SLC5A4: variants seen among roughly 807,000 people sequenced by gnomAD.
The protein encoded by SLC5A4 is probable glucose sensor protein SLC5A4.
Under a neutral mutation model 70.3 loss-of-function variants are expected in SLC5A4, and 55 were observed. The ratio of observed to expected loss-of-function variants is 0.78; its 90% CI spans 0.63 to 0.98. The LOEUF (loss-of-function observed/expected upper bound fraction) is 0.98. Ranked by LOEUF, SLC5A4 falls within the 50% of genes least tolerant of loss-of-function variation. The probability of loss-of-function intolerance (pLI) is 0.00; values close to 1 mark genes in which losing one functional copy is unlikely to be tolerated. For synonymous variants in SLC5A4, 268 were observed against 305.7 expected (o/e 0.88, Z 1.29); for missense variants, 735 against 839.2 (o/e 0.88, Z 1.53).
Position 32,239,185 on chromosome 22 carries a change from T to C in SLC5A4, c.478-95A>G, listed in dbSNP as rs1018295952. 252 of 850,366 alleles carry C rather than the reference T, an allele frequency of 3.0e-4. 3 individuals are homozygous for C. The highest frequency in any genetic ancestry group is 2.9e-3 in the South Asian group (196 of 66,744). 52.7% of individuals were successfully genotyped at this position (850,366 alleles called of 1,614,324 possible). A position where few individuals can be genotyped will look rare whatever the true frequency, so the allele number is the denominator to read the frequency against. On this transcript the variant is annotated intron_variant, in intron 5 of 14. Transcript: ENST00000266086. ...CCACTCTACTCAACCCTTCTTTTTCTGATAGACTCCTACTTACCCTTCAAG... is the reference window on the plus strand; with the variant it reads ...CCACTCTACTCAACCCTTCTTTTTCCGATAGACTCCTACTTACCCTTCAAG...
At chr22:32,222,105 C>T (rs1162799657) in intron 13 of SLC5A4, among the ~76,000 whole-genome samples, 2 of 152,164 alleles carry the variant, frequency 1.3e-5, no homozygotes, top group African/African-American at 4.8e-5. Context: ...TAAGTTATAC[C>T]TCATTTTAAT....
the SLC5A4 span, among the ~76,000 whole-genome samples, chr22:32,303,798 A>G: frequency 1.7e-4 from 26 of 152,118 alleles, no homozygotes; most frequent in African/African-American, 5.3e-4. Context: ...TAAGTTGTCA[A>G]CTCCTTTGGG....
the SLC5A4 span, among the ~76,000 whole-genome samples, chr22:32,349,936 A>C: frequency 1.3e-5 from 2 of 152,180 alleles, no homozygotes; most frequent in Non-Finnish European, 2.9e-5. Flanking sequence ...ACACCTTCTT[A>C]TCCGCAACTT....
the SLC5A4 span, chr22:32,327,364 G>C: frequency 6.6e-6 from 1 of 152,312 alleles, no homozygotes; most frequent in African/African-American, 2.4e-5. Flanking sequence ...TTCCTGGCCA[G>C]AGTGCTCTGC....
chr22:32,264,471 A>G, the SLC5A4 span, among the ~76,000 whole-genome samples: 3 of 152,050 alleles, frequency 2.0e-5, no homozygotes, highest in African/African-American at 7.2e-5. Flanking sequence ...GCTTCTTGGG[A>G]GGCTCAGGTG....
chr22:32,289,137 C>G, the SLC5A4 span, among the ~76,000 whole-genome samples: 17,676 of 151,970 alleles, frequency 0.12, 1,422 homozygotes, highest in East Asian at 0.33. Context: ...AAAGAAAGTT[C>G]CCTTGGACTC....
At position 32,224,470 on chromosome 22, in the gene SLC5A4, C is replaced by A. The variant is rs1329206367; in HGVS notation, c.1462G>T (p.Gly488Cys). Residue 488 changes from glycine to cysteine, a missense_variant, in exon 13 of 15, where the codon GGT becomes TGT. Gly to Cys is a radical substitution (Grantham distance 159). Coordinates refer to ENST00000266086, the MANE Select transcript of SLC5A4 (RefSeq NM_014227.3). Reference sequence around the variant, plus strand: ...CCCATTGCAAGTCCAACCATTAGACCCCAGAATGCTCCCTGCAAAAGAAGC... The same window carrying A: ...CCCATTGCAAGTCCAACCATTAGACACCAGAATGCTCCCTGCAAAAGAAGC... ...KRVNEQGAFW[G>C]LMVGLAMGLI... The A allele has an allele frequency of 6.2e-7, 1 of 1,613,012 alleles. No homozygotes were observed.
the SLC5A4 span, among the ~76,000 whole-genome samples, chr22:32,313,310 A>C: frequency 6.6e-6 from 1 of 152,220 alleles, no homozygotes; most frequent in Admixed American, 6.5e-5. Context: ...TTGTTCTGAC[A>C]TAATTTTTAA....
At chr22:32,239,790 C>T (rs1204079751) in intron 5 of SLC5A4, among the ~76,000 whole-genome samples, 2 of 148,140 alleles carry the variant, frequency 1.4e-5, no homozygotes, top group Admixed American at 6.8e-5. Context: ...TTTGGGAGGC[C>T]GAGGCAGGTG....
the SLC5A4 span, among the ~76,000 whole-genome samples, chr22:32,289,968 A>G: frequency 6.6e-6 from 1 of 152,106 alleles, no homozygotes; most frequent in South Asian, 2.1e-4. Context: ...TTGCTTTTCT[A>G]TTCTCTGGAA....
chr22:32,240,056 C>T (rs74279711), intron 5 of SLC5A4, among the ~76,000 whole-genome samples: 1 of 148,476 alleles, frequency 6.7e-6, no homozygotes, highest in African/African-American at 2.5e-5. Context: ...AAGTATGTAC[C>T]AAAATAGAAT....
In SLC5A4 at chr22:32,218,627, A is replaced by C. The variant is rs1241392233; in HGVS notation, c.1867T>G (p.Leu623Val). 3 of 1,613,742 alleles carry C rather than the reference A, an allele frequency of 1.9e-6. No individual in the cohort carries two copies. Among genetic ancestry groups the C allele is most frequent in the African/African-American group, 1.3e-5 (1 of 74,854 alleles). Residue 623 changes from leucine (L) to valine (V), a missense_variant, in exon 15 of 15, where the codon TTG (leucine) becomes GTG (valine). Physicochemically the swap from Leu to Val is conservative, Grantham distance 32. Transcript: ENST00000266086. ...PKLTKEEEEALSKKLTDTSER... is the reference protein window; with the variant it reads ...PKLTKEEEEAVSKKLTDTSER... ...GACGTGTCTGTGAGCTTCTTGCTCA[A>C]GGCTTCCTCCTCCTCCTTGGTTAGC...
chr22:32,306,476 AAC>A, the SLC5A4 span, among the ~76,000 whole-genome samples: 58 of 142,960 alleles, frequency 4.1e-4, no homozygotes, highest in African/African-American at 1.3e-3. Context: ...AAAAAAAAAA[AAC>A]AAAAACTACT....
chr22:32,326,423 GTTTTT>G, the SLC5A4 span, among the ~76,000 whole-genome samples: 2 of 151,906 alleles, frequency 1.3e-5, no homozygotes, highest in Non-Finnish European at 2.9e-5. Flanking sequence ...TGCCCAGCTA[GTTTTT>G]TTATTTTTAG....
the SLC5A4 span, chr22:32,269,812 TGGTC>T: frequency 1.5e-6 from 1 of 676,758 alleles, no homozygotes; most frequent in Non-Finnish European, 2.8e-6. The surrounding 1 kb of genome is among the most constrained non-coding windows in gnomAD (Gnocchi z 4.1). Context: ...CATGACAAGA[TGGTC>T]ATCTCCCTCA....
At chr22:32,248,851 TTG>T in intron 3 of SLC5A4, 49 bp from the exon 4 acceptor site, 1 of 1,278,386 alleles carries the variant, frequency 7.8e-7, no homozygotes, top group Non-Finnish European at 1.1e-6. Context: ...GAGGCTTGGC[TTG>T]TGGACCTTCT....
chr22:32,328,180 T>G, the SLC5A4 span, among the ~76,000 whole-genome samples: 4 of 151,982 alleles, frequency 2.6e-5, no homozygotes, highest in African/African-American at 9.7e-5. Context: ...CCTTCTGCCC[T>G]CAGTTCCCCC....
At chr22:32,309,242 A>G in the SLC5A4 span, among the ~76,000 whole-genome samples, 1 of 152,176 alleles carries the variant, frequency 6.6e-6, no homozygotes, top group Non-Finnish European at 1.5e-5. Context: ...TACACAGATG[A>G]GAGGGAAAGC....
the SLC5A4 span, among the ~76,000 whole-genome samples, chr22:32,261,071 A>AAC: frequency 7.5e-3 from 1,146 of 152,016 alleles, 18 homozygotes; most frequent in African/African-American, 0.026. Flanking sequence ...AAAAAAAAAA[A>AAC]AAGTCACGAG....
Sources: allele counts gnomAD v4.1 joint callset (sites outside exome capture counted in the v4.1 genomes callset), GRCh38; gene constraint gnomAD v4.1.1; non-coding constraint Gnocchi (gnomAD v3.1); transcripts MANE v1.5; gene names NCBI Gene and HGNC (gene_info 2026-07-23, HGNC 2026-07-21).